The following GNL1 variants were observed in gnomAD, a reference collection of about 807,000 sequenced individuals.
The protein encoded by GNL1 is G protein nucleolar 1.
A neutral mutation model predicts 75.2 loss-of-function variants in GNL1; 21 were observed. The ratio of observed to expected loss-of-function variants is 0.28; its 90% CI spans 0.20 to 0.40. The LOEUF is 0.40. Ranked by LOEUF, GNL1 falls within the 10% of genes least tolerant of loss-of-function variation. The pLI is 1.00. For missense variants in GNL1, 579 were observed against 775.0 expected (o/e 0.75, Z 3.00); for synonymous variants, 287 against 303.4 (o/e 0.95, Z 0.56).
rs752347137 is a variant in GNL1, at chr6:30,553,205, G to A, written c.809-26C>T. ...CTGAGATCAGAGGGCACAAAAGGAT[G>A]GGCACACGGGCTTAGGCCTCTCATC... On this transcript the variant is annotated intron_variant, in intron 6 of 11. Transcript: ENST00000376621. 5 of 1,551,854 alleles carry A rather than the reference G, an allele frequency of 3.2e-6. No homozygotes were observed. In the African/African-American group the frequency reaches 5.4e-5, roughly 17 times the overall value.
At position 30,555,306 on chromosome 6, in the gene GNL1, CCT is replaced by C; in HGVS notation, c.240-117_240-116del. 7.7e-7 allele frequency: 1 copy of C among 1,303,890 alleles called. No homozygotes were observed. The highest frequency in any genetic ancestry group is 1.1e-6 in the Non-Finnish European group (1 of 924,776). 80.8% of individuals were successfully genotyped at this position (1,303,890 alleles called of 1,614,324 possible). On this transcript the variant is annotated intron_variant, in intron 2 of 11. Coordinates refer to ENST00000376621, the MANE Select transcript of GNL1 (RefSeq NM_005275.5). This position sits in a 1 kb window ranked among gnomAD's most constrained non-coding sequence, Gnocchi z 4.3. ...ATTCTCTCCAGAGTCGTTCAAGTCT[CCT>C]CTCTCAAGTCAGACTTCCCCCAAGT... is the stretch of plus-strand genomic sequence containing the variant.
rs1195170098 is a variant in GNL1, at chr6:30,553,424, T to C, written c.734A>G (p.His245Arg). ...AAGGACGACGTGGAGCTGGGGATAG[T>C]GTTGATGGAAATAATGCTTCCAGGC... ...VVAWKHYFHQ[H>R]YPQLHVVLFT... Residue 245 changes from histidine (H) to arginine (R), a missense_variant, in exon 6 of 12, where the codon CAC (histidine) becomes CGC (arginine). By Grantham distance (29) the His-to-Arg change is conservative. Transcript: ENST00000376621. 1.2e-6 allele frequency: 2 copies of C among 1,612,724 alleles called. No individual in the cohort carries two copies. Among genetic ancestry groups the C allele is most frequent in the Non-Finnish European group, 1.7e-6 (2 of 1,179,996 alleles).
rs1799456179 is a variant in GNL1, at chr6:30,546,418, G to C, written c.1583-105C>G. On this transcript the variant is annotated intron_variant, in intron 11 of 11. Coordinates refer to ENST00000376621, the MANE Select transcript of GNL1 (RefSeq NM_005275.5). The surrounding 1 kb of genome is among the most constrained non-coding windows in gnomAD (Gnocchi z 5.1). Reference sequence around the variant, plus strand: ...AGACTAGGAATAACAATAATCTTTAGAGCTGCTGGCATTCATTCATTCATC... The same window carrying C: ...AGACTAGGAATAACAATAATCTTTACAGCTGCTGGCATTCATTCATTCATC... 1 of 744,150 alleles carries C rather than the reference G, an allele frequency of 1.3e-6. No homozygotes were observed. Among genetic ancestry groups the C allele is most frequent in the South Asian group, 1.6e-5 (1 of 62,254 alleles). 46.1% of individuals were successfully genotyped at this position (744,150 alleles called of 1,614,324 possible).
chr6:30,556,207 C>G lies in GNL1; in HGVS notation c.-4G>C. 1.2e-6 allele frequency: 2 copies of G among 1,603,530 alleles called. No homozygotes were observed. Among genetic ancestry groups the G allele is most frequent in the Non-Finnish European group, 8.5e-7 (1 of 1,179,752 alleles). On this transcript the variant is annotated 5_prime_UTR_variant, in exon 1 of 12. Transcript: ENST00000376621. The surrounding 1 kb of genome is among the most constrained non-coding windows in gnomAD (Gnocchi z 5.7). ...TGAATGGCTTCTTCCTCGGCATGGC[C>G]CGGACCAGTCACCTGGCCCGCCCTC...
At position 30,547,737 on chromosome 6, in the gene GNL1, CCT is replaced by C; in HGVS notation, c.1100-209_1100-208del. 1 of 571,894 alleles carries C rather than the reference CCT, an allele frequency of 1.7e-6. No individual in the cohort carries two copies. The highest frequency in any genetic ancestry group is 3.0e-6 in the Non-Finnish European group (1 of 328,752). 35.4% of individuals were successfully genotyped at this position (571,894 alleles called of 1,614,324 possible). On this transcript the variant is annotated intron_variant, in intron 8 of 11. Coordinates refer to ENST00000376621, the MANE Select transcript of GNL1 (RefSeq NM_005275.5). This position sits in a 1 kb window ranked among gnomAD's most constrained non-coding sequence, Gnocchi z 5.5. ...ATGTCAGGGCAACTAACTTTCTGAG[CCT>C]CTGTTTCTTCATTTTACAGTGTGGA... is the stretch of plus-strand genomic sequence containing the variant.
Position 30,545,832 on chromosome 6 carries a change from C to A in GNL1, c.*240G>T. ...GAAGCAGGTTTCAGAGACTGAGAACCTACTAAACTCCTAAGAGAACTTTCC... is the reference window on the plus strand; with the variant it reads ...GAAGCAGGTTTCAGAGACTGAGAACATACTAAACTCCTAAGAGAACTTTCC... On this transcript the variant is annotated 3_prime_UTR_variant, in exon 12 of 12. Coordinates refer to ENST00000376621, the MANE Select transcript of GNL1 (RefSeq NM_005275.5). 1 of 523,752 alleles carries A rather than the reference C, an allele frequency of 1.9e-6. No homozygotes were observed. Among genetic ancestry groups the A allele is most frequent in the Admixed American group, 4.2e-5 (1 of 23,808 alleles). The allele number at this position is 523,752 out of a possible 1,614,324, so 32.4% of individuals were successfully genotyped here. A position where few individuals can be genotyped will look rare whatever the true frequency, so the allele number is the denominator to read the frequency against.
chr6:30,549,789 T>C (rs949878633), intron 8 of GNL1, among the ~76,000 whole-genome samples: 2 of 151,890 alleles, frequency 1.3e-5, no homozygotes, highest in Middle Eastern at 3.2e-3. Context: ...TCTCCAACTA[T>C]TTCCTTTCTC....
Position 30,546,854 on chromosome 6 carries a change from T to C in GNL1, c.1442-18A>G. 1.3e-6 allele frequency: 2 copies of C among 1,577,252 alleles called. No homozygotes were observed. The highest frequency in any genetic ancestry group is 1.7e-6 in the Non-Finnish European group (2 of 1,157,124). ...TGCCCAGGCTGGAGGAAGAAAAGAA[T>C]AATGGAAAGGGAAAGCATTAACCAG... On this transcript the variant is annotated intron_variant, in intron 10 of 11. Transcript: ENST00000376621. This position sits in a 1 kb window ranked among gnomAD's most constrained non-coding sequence, Gnocchi z 5.1.
intron 5 of GNL1, among the ~76,000 whole-genome samples, chr6:30,554,045 T>C (rs957191435): frequency 2.0e-5 from 3 of 152,214 alleles, no homozygotes; most frequent in Non-Finnish European, 4.4e-5. Context: ...AGTATGTGTG[T>C]GTACATATTA....
Position 30,548,615 on chromosome 6 carries a change from CCT to C in GNL1, c.1100-1087_1100-1086del, listed in dbSNP as rs1275896191. 6.6e-6 allele frequency among the ~76,000 whole-genome samples: 1 copy of C among 152,182 alleles called. No homozygotes were observed. Among genetic ancestry groups the C allele is most frequent in the Non-Finnish European group, 1.5e-5 (1 of 68,044 alleles). ...TGGAACTCCCTGGTCCCACTTCTCC[CCT>C]CTATCTTACTCACCTGGCAAAATCC... is the stretch of plus-strand genomic sequence containing the variant. On this transcript the variant is annotated intron_variant, in intron 8 of 11. Transcript: ENST00000376621. This position sits in a 1 kb window ranked among gnomAD's most constrained non-coding sequence, Gnocchi z 4.2.
At position 30,547,049 on chromosome 6, in the gene GNL1, G is replaced by A. The variant is rs1799494149; in HGVS notation, c.1441+63C>T. 4 of 1,435,348 alleles carry A rather than the reference G, an allele frequency of 2.8e-6. No homozygotes were observed. The allele number at this position is 1,435,348 out of a possible 1,614,324, so 88.9% of individuals were successfully genotyped here. A position where few individuals can be genotyped will look rare whatever the true frequency, so the allele number is the denominator to read the frequency against. On this transcript the variant is annotated intron_variant, in intron 10 of 11. Transcript: ENST00000376621. This position sits in a 1 kb window ranked among gnomAD's most constrained non-coding sequence, Gnocchi z 5.5. Reference sequence around the variant, plus strand: ...GAAAGGAGACAGGGAAGGGTAAAAGGCGAGGCAGGTAAGGAAGAGCAGCTG... The same window carrying A: ...GAAAGGAGACAGGGAAGGGTAAAAGACGAGGCAGGTAAGGAAGAGCAGCTG...
At position 30,548,183 on chromosome 6, in the gene GNL1, T is replaced by A. The variant is rs999643104; in HGVS notation, c.1100-653A>T. Among the ~76,000 whole-genome samples the A allele has an allele frequency of 6.6e-6, 1 of 151,844 alleles. No individual in the cohort carries two copies. The highest frequency in any genetic ancestry group is 1.5e-5 in the Non-Finnish European group (1 of 67,950). On this transcript the variant is annotated intron_variant, in intron 8 of 11. Coordinates refer to ENST00000376621, the MANE Select transcript of GNL1 (RefSeq NM_005275.5). This position sits in a 1 kb window ranked among gnomAD's most constrained non-coding sequence, Gnocchi z 4.2. Reference sequence around the variant, plus strand: ...AAGAGGGAAACTCCATCTCAAAAAATAATAATAATAATTACGATGACTTGT... The same window carrying A: ...AAGAGGGAAACTCCATCTCAAAAAAAAATAATAATAATTACGATGACTTGT...
Position 30,555,939 on chromosome 6 carries a change from C to G in GNL1, c.73+192G>C. On this transcript the variant is annotated intron_variant, in intron 1 of 11. Coordinates refer to ENST00000376621, the MANE Select transcript of GNL1 (RefSeq NM_005275.5). This position sits in a 1 kb window ranked among gnomAD's most constrained non-coding sequence, Gnocchi z 4.3. ...CCGTGCTAGCTGGAGGGATTCCCCT[C>G]CCCCAACTCTCCATCCTTCCCCACC... is the stretch of plus-strand genomic sequence containing the variant. 1.2e-6 allele frequency: 1 copy of G among 824,664 alleles called. No homozygotes were observed. The highest frequency in any genetic ancestry group is 1.9e-6 in the Non-Finnish European group (1 of 522,722). 51.1% of individuals were successfully genotyped at this position (824,664 alleles called of 1,614,324 possible). A position where few individuals can be genotyped will look rare whatever the true frequency, so the allele number is the denominator to read the frequency against.
Position 30,552,992 on chromosome 6 carries a change from G to A in GNL1, c.904+92C>T, listed in dbSNP as rs1158323335. ...TGGCCTCTTGCACATATCCACCATA[G>A]AGGGGTTGGCTTCAGGAAAGGTGAG... On this transcript the variant is annotated intron_variant, in intron 7 of 11. Coordinates refer to ENST00000376621, the MANE Select transcript of GNL1 (RefSeq NM_005275.5). The surrounding 1 kb of genome is among the most constrained non-coding windows in gnomAD (Gnocchi z 4.5). 3.4e-6 allele frequency: 3 copies of A among 873,526 alleles called. No individual in the cohort carries two copies. Among genetic ancestry groups the A allele is most frequent in the Non-Finnish European group, 5.6e-6 (3 of 531,662 alleles). The allele number at this position is 873,526 out of a possible 1,614,324, so 54.1% of individuals were successfully genotyped here. A position where few individuals can be genotyped will look rare whatever the true frequency, so the allele number is the denominator to read the frequency against.
Position 30,543,345 on chromosome 6 carries a change from C to G in GNL1, c.*2727G>C, listed in dbSNP as rs1447788994. The G allele has an allele frequency of 6.6e-6, 1 of 152,214 alleles. No individual in the cohort carries two copies. Among genetic ancestry groups the G allele is most frequent in the Non-Finnish European group, 1.5e-5 (1 of 68,030 alleles). 9.4% of individuals were successfully genotyped at this position (152,214 alleles called of 1,614,324 possible). A position where few individuals can be genotyped will look rare whatever the true frequency, so the allele number is the denominator to read the frequency against. ...GTACCACCCTTCTCCCAGAACTTAT[C>G]ACACTTTTTTTTTGTAATTGTGTTT... is the stretch of plus-strand genomic sequence containing the variant. On this transcript the variant is annotated 3_prime_UTR_variant, in exon 12 of 12. Coordinates refer to ENST00000376621, the MANE Select transcript of GNL1 (RefSeq NM_005275.5).
chr6:30,553,627 C>A, intron 5 of GNL1, 70 bp from the exon 6 acceptor site: 3 of 1,056,636 alleles, frequency 2.8e-6, no homozygotes, highest in South Asian at 2.5e-5. Context: ...CAGCTCCCCA[C>A]TCAGCAGGTG....
In GNL1 at chr6:30,542,017, C is replaced by T. The variant is rs1407900990; in HGVS notation, c.*4055G>A. On this transcript the variant is annotated 3_prime_UTR_variant, in exon 12 of 12. Transcript: ENST00000376621. This position sits in a 1 kb window ranked among gnomAD's most constrained non-coding sequence, Gnocchi z 4.5. ...TTCCTAACATCGTGTTAACACACTCCAAACTAAAAAAGTTCCTCAACTGCA... is the reference window on the plus strand; with the variant it reads ...TTCCTAACATCGTGTTAACACACTCTAAACTAAAAAAGTTCCTCAACTGCA... 1 of 152,260 alleles carries T rather than the reference C, an allele frequency of 6.6e-6. No individual in the cohort carries two copies. The highest frequency in any genetic ancestry group is 1.5e-5 in the Non-Finnish European group (1 of 68,050). 9.4% of individuals were successfully genotyped at this position (152,260 alleles called of 1,614,324 possible).
Position 30,555,444 on chromosome 6 carries a change from A to C in GNL1, c.239+111T>G. On this transcript the variant is annotated intron_variant, in intron 2 of 11. Transcript: ENST00000376621. This position sits in a 1 kb window ranked among gnomAD's most constrained non-coding sequence, Gnocchi z 4.3. ...TGGGGAGCCGAGTGGCTAGCGGAGA[A>C]CTGTGGCATCCCAGGCCCACCGTCT... 1.8e-6 allele frequency: 2 copies of C among 1,123,242 alleles called. No homozygotes were observed. The highest frequency in any genetic ancestry group is 2.0e-5 in the Admixed American group (1 of 49,128). 69.6% of individuals were successfully genotyped at this position (1,123,242 alleles called of 1,614,324 possible).
chr6:30,553,575 A>G lies in GNL1; in HGVS notation c.601-18T>C, dbSNP rs779263942. The stretch of plus-strand genomic sequence containing the variant: ...TTCACAACCTAGGACAGAGTTGATA[A>G]GAGGATGGAGCAGTGAAAGTCAACC... On this transcript the variant is annotated intron_variant, in intron 5 of 11. Coordinates refer to ENST00000376621, the MANE Select transcript of GNL1 (RefSeq NM_005275.5). The G allele has an allele frequency of 2.5e-6, 4 of 1,574,066 alleles. No individual in the cohort carries two copies. Among genetic ancestry groups the G allele is most frequent in the South Asian group, 2.2e-5 (2 of 90,304 alleles).
Sources: allele counts gnomAD v4.1 joint callset (sites outside exome capture counted in the v4.1 genomes callset), GRCh38; gene constraint gnomAD v4.1.1; non-coding constraint Gnocchi (gnomAD v3.1); transcripts MANE v1.5; gene names NCBI Gene and HGNC (gene_info 2026-07-23, HGNC 2026-07-21).